Variants in ADAMTSL1 observed in about 807,000 individuals in gnomAD.
The protein encoded by ADAMTSL1 is ADAMTS-like protein 1.
ADAMTSL1 carries 126 observed loss-of-function variants against 201.8 expected under a neutral mutation model. The observed-to-expected ratio is 0.62, with a 90% CI of 0.54 to 0.72. ADAMTSL1 has a LOEUF of 0.72. ADAMTSL1 is among the 30% of genes least tolerant of loss of function. The probability of loss-of-function intolerance (pLI) is 0.00; values close to 1 mark genes in which losing one functional copy is unlikely to be tolerated. For missense variants in ADAMTSL1, 2,679 were observed against 2,277.8 expected, an observed-to-expected ratio of 1.18 and a Z score of -3.59; for synonymous variants, 1,121 against 903.4, an observed-to-expected ratio of 1.24 and a Z score of -4.32.
At chr9:18,794,239 T>A (rs77361121) in intron 19 of ADAMTSL1, among the ~76,000 whole-genome samples, 3,690 of 151,916 alleles carry the variant, frequency 0.024, 141 homozygotes, top group African/African-American at 0.083. Context: ...CAAGACCCTA[T>A]CTTTACGCAA....
chr9:18,436,672 T>C (rs576133469), intron 2 of ADAMTSL1, among the ~76,000 whole-genome samples: 1 of 152,276 alleles, frequency 6.6e-6, no homozygotes, highest in East Asian at 1.9e-4. Flanking sequence ...TCAGCTCTTA[T>C]TTTACTTTAC....
At chr9:18,680,240 G>A in intron 10 of ADAMTSL1, 72 bp from the exon 11 acceptor site, 1 of 1,464,074 alleles carries the variant, frequency 6.8e-7, no homozygotes, top group Non-Finnish European at 9.4e-7. Context: ...TGGGGAGTGG[G>A]TTGGTGGACC....
At chr9:18,534,860 A>G (rs1474550118) in intron 3 of ADAMTSL1, among the ~76,000 whole-genome samples, 1 of 152,210 alleles carries the variant, frequency 6.6e-6, no homozygotes, top group Admixed American at 6.5e-5. Context: ...GCTGGGACAC[A>G]GGGCACCAAG....
intron 2 of ADAMTSL1, among the ~76,000 whole-genome samples, chr9:18,522,563 T>C (rs1434606435): frequency 2.0e-5 from 3 of 151,836 alleles, no homozygotes; most frequent in East Asian, 3.9e-4. Context: ...TTACATTAAG[T>C]ATATCCCCTA....
At chr9:18,082,346 G>A (rs977320881) in intron 1 of ADAMTSL1, among the ~76,000 whole-genome samples, 6 of 151,976 alleles carry the variant, frequency 3.9e-5, no homozygotes, top group African/African-American at 1.4e-4. Context: ...TTTCACTCTT[G>A]TCCCTCAGGC....
At chr9:18,184,300 G>A (rs958884779) in intron 2 of ADAMTSL1, among the ~76,000 whole-genome samples, 11 of 152,290 alleles carry the variant, frequency 7.2e-5, no homozygotes, top group Non-Finnish European at 1.6e-4. Context: ...TGAACTTCTC[G>A]TGCCTGGAAG....
chr9:18,744,423 C>T (rs1819013893), intron 15 of ADAMTSL1, among the ~76,000 whole-genome samples: 1 of 152,224 alleles, frequency 6.6e-6, no homozygotes, highest in Admixed American at 6.5e-5. Flanking sequence ...TCCTCAGTCT[C>T]CAAAACCTAT....
intron 1 of ADAMTSL1, among the ~76,000 whole-genome samples, chr9:18,480,919 G>A (rs963743265): frequency 6.6e-6 from 1 of 152,158 alleles, no homozygotes; most frequent in African/African-American, 2.4e-5. Flanking sequence ...AAAGAGGCAA[G>A]GCTGTGGTGA....
Position 18,639,250 on chromosome 9 carries a change from A to G in ADAMTSL1, c.677-4A>G. ...CTCTCATCTTCACGTGTTTGATCATATAGATCTGGAAACCAAAACCCTCCA... is the reference window on the plus strand; with the variant it reads ...CTCTCATCTTCACGTGTTTGATCATGTAGATCTGGAAACCAAAACCCTCCA... On this transcript the variant is annotated splice_region_variant and splice_polypyrimidine_tract_variant and intron_variant, in intron 6 of 28. Transcript: ENST00000380548. 1 of 1,612,460 alleles carries G rather than the reference A, an allele frequency of 6.2e-7. No individual in the cohort carries two copies. The highest frequency in any genetic ancestry group is 8.5e-7 in the Non-Finnish European group (1 of 1,178,926).
upstream of ADAMTSL1, among the ~76,000 whole-genome samples, chr9:18,473,199 C>T (rs1821288361): frequency 6.6e-6 from 1 of 152,106 alleles, no homozygotes; most frequent in African/African-American, 2.4e-5. Context: ...GGGTGAGGTG[C>T]GGAGGAAGCT....
intron 2 of ADAMTSL1, among the ~76,000 whole-genome samples, chr9:18,296,678 T>C (rs1274954280): frequency 6.6e-6 from 1 of 152,226 alleles, no homozygotes; most frequent in African/African-American, 2.4e-5. Flanking sequence ...ACAATGAGTT[T>C]AGTTCCTATG....
chr9:18,263,709 C>T (rs1832011820), intron 2 of ADAMTSL1, among the ~76,000 whole-genome samples: 1 of 152,126 alleles, frequency 6.6e-6, no homozygotes, highest in African/African-American at 2.4e-5. Flanking sequence ...TTAAATTAGT[C>T]ATAAGGGTGG....
chr9:18,436,936 T>C (rs1356862686), intron 2 of ADAMTSL1, among the ~76,000 whole-genome samples: 1 of 152,124 alleles, frequency 6.6e-6, no homozygotes, highest in Non-Finnish European at 1.5e-5. Context: ...TGACCCACCA[T>C]AAAGTTGTAG....
At chr9:18,405,156 G>C (rs1818136736) in intron 2 of ADAMTSL1, among the ~76,000 whole-genome samples, 1 of 152,164 alleles carries the variant, frequency 6.6e-6, no homozygotes, top group Non-Finnish European at 1.5e-5. Context: ...GTGCTGTGCA[G>C]TTCCAACTAT....
In ADAMTSL1 at chr9:18,228,215, G is replaced by A. The variant is rs189344214; in HGVS notation, c.207+64234G>A. On this transcript the variant is annotated intron_variant, in intron 2 of 29. Transcript: ENST00000680146. ...GTCTGGTGAAAGTGAGAGGAAAGTC[G>A]ATCAGCTCTTAAGGCTTGATGATAG... 8.5e-4 allele frequency among the ~76,000 whole-genome samples: 130 copies of A among 152,286 alleles called. 1 individual carries two copies. Among genetic ancestry groups the A allele is most frequent in the African/African-American group, 3.1e-3 (127 of 41,568 alleles).
chr9:18,299,067 T>C (rs1020804088), intron 2 of ADAMTSL1, among the ~76,000 whole-genome samples: 1 of 151,932 alleles, frequency 6.6e-6, no homozygotes, highest in Non-Finnish European at 1.5e-5. Flanking sequence ...CTAAGCAACA[T>C]GTATACTTAC....
chr9:18,647,830 G>C (rs931339889), intron 7 of ADAMTSL1, among the ~76,000 whole-genome samples: 1 of 151,686 alleles, frequency 6.6e-6, no homozygotes, highest in Non-Finnish European at 1.5e-5. Flanking sequence ...TTTGGAATAG[G>C]TGTGGTGTGG....
intron 1 of ADAMTSL1, among the ~76,000 whole-genome samples, chr9:18,033,654 C>G (rs1380741119): frequency 1.3e-5 from 2 of 152,166 alleles, no homozygotes; most frequent in Non-Finnish European, 2.9e-5. Flanking sequence ...CTTGGTACTC[C>G]AGGTTTGAAC....
chr9:18,898,582 T>G (rs1485228928), intron 26 of ADAMTSL1, among the ~76,000 whole-genome samples: 1 of 152,106 alleles, frequency 6.6e-6, no homozygotes, highest in East Asian at 1.9e-4. Flanking sequence ...CAGAACCAAG[T>G]TGGAAAATCC....
Sources: allele counts gnomAD v4.1 joint callset (sites outside exome capture counted in the v4.1 genomes callset), GRCh38; gene constraint gnomAD v4.1.1; transcripts MANE v1.5; gene names NCBI Gene and HGNC (gene_info 2026-07-23, HGNC 2026-07-21).